Variants in PARP11 observed in about 807,000 individuals in gnomAD.
PARP11 encodes the protein protein mono-ADP-ribosyltransferase PARP11.
PARP11 carries 31 observed loss-of-function variants against 42.9 expected under a neutral mutation model. The ratio of observed to expected loss-of-function variants is 0.72; its 90% CI spans 0.54 to 0.98. PARP11 has a LOEUF of 0.98. PARP11 is among the 50% of genes least tolerant of loss of function. The pLI, the probability that PARP11 is intolerant of heterozygous loss-of-function variation, is 0.00. For missense variants in PARP11, 365 were observed against 413.1 expected (o/e 0.88, Z 1.01); for synonymous variants, 137 against 127.3 (o/e 1.08, Z -0.51).
intron 6 of PARP11, among the ~76,000 whole-genome samples, chr12:3,818,211 C>A (rs1947329610): frequency 6.6e-6 from 1 of 152,092 alleles, no homozygotes; most frequent in African/African-American, 2.4e-5. Flanking sequence ...CATTTCAAAT[C>A]TCCTCTTTCC....
At chr12:3,837,113 C>T (rs1331342066) in intron 1 of PARP11, among the ~76,000 whole-genome samples, 1 of 152,146 alleles carries the variant, frequency 6.6e-6, no homozygotes, top group Non-Finnish European at 1.5e-5. Context: ...GAGACGACAC[C>T]AAATCAGAGT....
At chr12:3,835,474 T>C (rs1591775722) in intron 1 of PARP11, among the ~76,000 whole-genome samples, 1 of 152,140 alleles carries the variant, frequency 6.6e-6, no homozygotes, top group South Asian at 2.1e-4. Flanking sequence ...ACAAAAAAAT[T>C]ATGAGACATA....
At chr12:3,841,256 A>C in intron 1 of PARP11, 1 of 1,389,728 alleles carries the variant, frequency 7.2e-7, no homozygotes, top group Non-Finnish European at 1.0e-6. Flanking sequence ...CTACCTAAAG[A>C]TAAGAATATT....
At chr12:3,848,065 T>C (rs1038873105) in intron 1 of PARP11, among the ~76,000 whole-genome samples, 2 of 151,878 alleles carry the variant, frequency 1.3e-5, no homozygotes, top group Non-Finnish European at 2.9e-5. Flanking sequence ...CAATTTACAA[T>C]AGCTACAAAG....
At position 3,846,394 on chromosome 12, in the gene PARP11, T is replaced by C. The variant is rs564322216; in HGVS notation, c.19-16376A>G. Among the ~76,000 whole-genome samples the C allele has an allele frequency of 1.1e-4, 16 of 152,004 alleles. No individual in the cohort carries two copies. The South Asian group carries it at 2.9e-3, about 28-fold the overall frequency. On this transcript the variant is annotated intron_variant, in intron 1 of 7. Coordinates refer to ENST00000228820, the MANE Select transcript of PARP11 (RefSeq NM_020367.6). ...CTATTATGGACAACATGCCAACAAA[T>C]TGGAAAACTTAGAAGAAATGGATAA...
intron 1 of PARP11, among the ~76,000 whole-genome samples, chr12:3,858,380 T>C (rs992220033): frequency 1.3e-5 from 2 of 152,112 alleles, no homozygotes; most frequent in African/African-American, 2.4e-5. Flanking sequence ...TGTGATGAGA[T>C]TACTAAAGGT....
At chr12:3,822,959 C>G (rs543266930) in intron 4 of PARP11, among the ~76,000 whole-genome samples, 1 of 152,290 alleles carries the variant, frequency 6.6e-6, no homozygotes, top group African/African-American at 2.4e-5. Flanking sequence ...CAACAGTCCA[C>G]TACCTTTAAG....
At chr12:3,832,374 G>A (rs966381021) in intron 1 of PARP11, among the ~76,000 whole-genome samples, 2 of 152,102 alleles carry the variant, frequency 1.3e-5, no homozygotes, top group African/African-American at 4.8e-5. Context: ...TTTTTGTCTA[G>A]ATTCACAGCT....
Position 3,873,331 on chromosome 12 carries a change from G to C in PARP11, c.-102C>G. ...TCCCGCGGGTCCCCGGGAGCGAAGG[G>C]ACGGAGATGCAACCTTTACGAAGGC... On this transcript the variant is annotated 5_prime_UTR_variant, in exon 1 of 8. Transcript: ENST00000228820. The C allele has an allele frequency of 1.8e-6, 2 of 1,117,484 alleles. No individual in the cohort carries two copies. The highest frequency in any genetic ancestry group is 1.3e-6 in the Non-Finnish European group (1 of 752,312). 69.2% of individuals were successfully genotyped at this position (1,117,484 alleles called of 1,614,324 possible).
At chr12:3,836,250 A>AT (rs1418586764) in intron 1 of PARP11, among the ~76,000 whole-genome samples, 1 of 152,078 alleles carries the variant, frequency 6.6e-6, no homozygotes, top group Non-Finnish European at 1.5e-5. Flanking sequence ...TCCTAATGAG[A>AT]TTAACAGCTG....
At chr12:3,852,195 G>A (rs528976217) in intron 1 of PARP11, among the ~76,000 whole-genome samples, 1 of 152,348 alleles carries the variant, frequency 6.6e-6, no homozygotes, top group Non-Finnish European at 1.5e-5. Context: ...GAGCAGAAAA[G>A]CTGAAAATTC....
intron 1 of PARP11, among the ~76,000 whole-genome samples, chr12:3,860,186 G>A (rs1007165337): frequency 6.6e-6 from 1 of 152,194 alleles, no homozygotes; most frequent in African/African-American, 2.4e-5. Flanking sequence ...TAGTATGGAT[G>A]TGGACCGCCC....
rs145098273 is a variant in PARP11, at chr12:3,871,351, A to G, written c.18+1861T>C. 2.5e-3 allele frequency among the ~76,000 whole-genome samples: 384 copies of G among 152,378 alleles called. 2 individuals carry two copies. The highest frequency in any genetic ancestry group is 8.8e-3 in the African/African-American group (365 of 41,578). Reference sequence around the variant, plus strand: ...ATGGATCGCATATACAAGTGGTCCCAAAGATTGTTAACACTTTATTTTACT... The same window carrying G: ...ATGGATCGCATATACAAGTGGTCCCGAAGATTGTTAACACTTTATTTTACT... On this transcript the variant is annotated intron_variant, in intron 1 of 7. Coordinates refer to ENST00000228820, the MANE Select transcript of PARP11 (RefSeq NM_020367.6).
At chr12:3,817,064 G>A (rs1006247615) in intron 6 of PARP11, among the ~76,000 whole-genome samples, 6 of 151,412 alleles carry the variant, frequency 4.0e-5, no homozygotes, top group South Asian at 2.1e-4. Context: ...GGTGGCGGGC[G>A]CCTGTAGTCC....
chr12:3,822,336 C>T (rs546248492), intron 4 of PARP11, among the ~76,000 whole-genome samples, 179 bp from the exon 5 acceptor site: 3 of 152,074 alleles, frequency 2.0e-5, no homozygotes, highest in Admixed American at 1.3e-4. Flanking sequence ...CGGTGGCTCA[C>T]GCCTGTAATC....
At chr12:3,815,136 C>G (rs1947260649) in intron 6 of PARP11, 1 of 437,520 alleles carries the variant, frequency 2.3e-6, no homozygotes, top group South Asian at 1.6e-5. Flanking sequence ...AAACTATTTG[C>G]TGCATTTTCA....
intron 1 of PARP11, among the ~76,000 whole-genome samples, chr12:3,860,958 A>G (rs955024616): frequency 6.6e-6 from 1 of 152,192 alleles, no homozygotes; most frequent in Non-Finnish European, 1.5e-5. Flanking sequence ...GATTACAGGC[A>G]CAAGCCACCA....
chr12:3,836,184 C>T (rs1371929383), intron 1 of PARP11, among the ~76,000 whole-genome samples: 6 of 151,910 alleles, frequency 3.9e-5, no homozygotes, highest in Admixed American at 3.9e-4. Flanking sequence ...AAGCCAAAGA[C>T]AAACAGAAAA....
At chr12:3,834,874 C>T (rs1390346846) in intron 1 of PARP11, among the ~76,000 whole-genome samples, 4 of 151,998 alleles carry the variant, frequency 2.6e-5, no homozygotes, top group Non-Finnish European at 5.9e-5. Flanking sequence ...GTCTTGAAAA[C>T]GTTCTCTAAG....
Sources: gnomAD v4.1 joint callset for allele counts (sites outside exome capture counted in the v4.1 genomes callset) on GRCh38, gnomAD v4.1.1 for gene constraint, MANE v1.5 for transcripts, NCBI Gene and HGNC (gene_info 2026-07-23, HGNC 2026-07-21) for gene names.